Variants in SMAD1 observed in about 807,000 individuals in gnomAD.
SMAD1 encodes MAD, mothers against decapentaplegic homolog 1.
In SMAD1, 6 loss-of-function variants were observed where a neutral mutation model predicts 41.6. The ratio of observed to expected loss-of-function variants is 0.14; its 90% confidence interval spans 0.08 to 0.28. The LOEUF (loss-of-function observed/expected upper bound fraction) is 0.28, where lower values mean the gene tolerates loss of function less well. Among genes scored for constraint, SMAD1 ranks in the 10% least tolerant of loss-of-function variants. The pLI is 1.00. For missense variants in SMAD1, 379 were observed against 582.6 expected, an observed-to-expected ratio of 0.65 and a Z score of 3.60; for synonymous variants, 206 against 203.2, an observed-to-expected ratio of 1.01 and a Z score of -0.12.
intron 2 of SMAD1, among the ~76,000 whole-genome samples, chr4:145,515,940 T>C (rs999280978): frequency 6.6e-6 from 1 of 152,220 alleles, no homozygotes; most frequent in African/African-American, 2.4e-5. Context: ...ATTGGATTGG[T>C]GTTTAGGAAT....
In SMAD1 at chr4:145,481,996, C is replaced by G. The variant is rs1272555677; in HGVS notation, c.-219C>G. 3 of 152,122 alleles carry G rather than the reference C, an allele frequency of 2.0e-5. No individual in the cohort carries two copies. Among genetic ancestry groups the G allele is most frequent in the East Asian group, 3.9e-4 (2 of 5,130 alleles). 9.4% of individuals were successfully genotyped at this position (152,122 alleles called of 1,614,324 possible). A position where few individuals can be genotyped will look rare whatever the true frequency, so the allele number is the denominator to read the frequency against. On this transcript the variant is annotated 5_prime_UTR_variant, in exon 1 of 7. Transcript: ENST00000302085. ...CCCGGGCCGCGAGACCCCGCTCGCC[C>G]GGCCACTCGTGCTCCCACACGGACG...
At chr4:145,509,868 G>GCCTC (rs1168498708) in intron 1 of SMAD1, among the ~76,000 whole-genome samples, 1 of 152,122 alleles carries the variant, frequency 6.6e-6, no homozygotes, top group Non-Finnish European at 1.5e-5. Flanking sequence ...ACACCCTGTG[G>GCCTC]CCTCCCAAAT....
chr4:145,521,533 A>T (rs1560744294), intron 2 of SMAD1, among the ~76,000 whole-genome samples: 1 of 152,112 alleles, frequency 6.6e-6, no homozygotes, highest in Non-Finnish European at 1.5e-5. Flanking sequence ...TCACCTGTTG[A>T]CTGAATGCAT....
intron 3 of SMAD1, among the ~76,000 whole-genome samples, chr4:145,540,286 A>G (rs947114003): frequency 1.2e-4 from 18 of 152,178 alleles, no homozygotes; most frequent in Admixed American, 1.2e-3. Flanking sequence ...AATAAGCTAT[A>G]TTTTCCCCTT....
intron 2 of SMAD1, among the ~76,000 whole-genome samples, chr4:145,515,686 T>G (rs887543126): frequency 1.3e-5 from 2 of 152,212 alleles, no homozygotes; most frequent in Admixed American, 6.5e-5. Flanking sequence ...TTATACGGTT[T>G]TGCCCTCAAG....
intron 1 of SMAD1, among the ~76,000 whole-genome samples, chr4:145,492,859 G>A (rs955736233): frequency 3.3e-5 from 5 of 152,184 alleles, no homozygotes; most frequent in Admixed American, 1.3e-4. Flanking sequence ...TTACAGTACC[G>A]CAGGTTTAAA....
chr4:145,486,005 T>C (rs1369198765), intron 1 of SMAD1, among the ~76,000 whole-genome samples: 1 of 152,248 alleles, frequency 6.6e-6, no homozygotes, highest in Non-Finnish European at 1.5e-5. Flanking sequence ...AGTCCAACTC[T>C]AGAAACTCCA....
At chr4:145,522,565 C>T (rs1730804028) in intron 2 of SMAD1, among the ~76,000 whole-genome samples, 1 of 152,128 alleles carries the variant, frequency 6.6e-6, no homozygotes, top group Non-Finnish European at 1.5e-5. Context: ...TGTCATTGCA[C>T]TTCAGCCTGG....
intron 4 of SMAD1, among the ~76,000 whole-genome samples, chr4:145,543,242 C>T (rs1422958985): frequency 6.6e-6 from 1 of 152,200 alleles, no homozygotes; most frequent in Non-Finnish European, 1.5e-5. Flanking sequence ...GCTGGGATTA[C>T]AGGCGTGAGC....
chr4:145,539,776 C>G (rs749740088), intron 2 of SMAD1, 28 bp from the exon 3 acceptor site: 1 of 1,605,890 alleles, frequency 6.2e-7, no homozygotes, highest in South Asian at 1.1e-5. Context: ...CATGTTTGTC[C>G]TTCTCTTTTT....
chr4:145,517,749 A>T (rs897248416), intron 2 of SMAD1, among the ~76,000 whole-genome samples: 3 of 75,140 alleles, frequency 4.0e-5, no homozygotes, highest in Non-Finnish European at 1.4e-4. Flanking sequence ...TACACCTCTG[A>T]TACAAGGTGA....
At chr4:145,530,420 G>A (rs1040543516) in intron 2 of SMAD1, among the ~76,000 whole-genome samples, 2 of 152,144 alleles carry the variant, frequency 1.3e-5, no homozygotes, top group African/African-American at 2.4e-5. Context: ...CATAGCAGAC[G>A]TTCTGTGGGT....
chr4:145,544,945 T>G (rs557007587), intron 4 of SMAD1: 1 of 152,342 alleles, frequency 6.6e-6, no homozygotes, highest in African/African-American at 2.4e-5. Context: ...TTAAATTGCT[T>G]TAAGATTTTT....
chr4:145,481,526 C>G (rs959738069), upstream of SMAD1: 2 of 152,244 alleles, frequency 1.3e-5, no homozygotes, highest in South Asian at 2.1e-4. Flanking sequence ...GGACTAAGTC[C>G]GCTCCACCGG....
At chr4:145,515,768 G>T (rs1730348838) in intron 2 of SMAD1, among the ~76,000 whole-genome samples, 1 of 152,118 alleles carries the variant, frequency 6.6e-6, no homozygotes, top group Admixed American at 6.5e-5. Flanking sequence ...ATGTCTCATT[G>T]TCGATTGGGA....
chr4:145,507,247 T>C (rs1729839516), intron 1 of SMAD1, among the ~76,000 whole-genome samples: 1 of 152,000 alleles, frequency 6.6e-6, no homozygotes, highest in Admixed American at 6.6e-5. Flanking sequence ...TTACATTTTT[T>C]CATTAAAGAA....
At chr4:145,535,028 A>T (rs1316266148) in intron 2 of SMAD1, among the ~76,000 whole-genome samples, 1 of 152,190 alleles carries the variant, frequency 6.6e-6, no homozygotes, top group Non-Finnish European at 1.5e-5. Flanking sequence ...GGATGAAAAT[A>T]CCAAAAATAG....
rs79407457 is a variant in SMAD1 at position 145,509,133 on chromosome 4, T to G, written c.-176-5305T>G. ...ATTCTTGTGCCCATGGGCAATGGTA[T>G]AATCGTATTATTTCTTCTGACTGAG... On this transcript the variant is annotated intron_variant, in intron 1 of 6. Transcript: ENST00000302085. Among the ~76,000 whole-genome samples, 436 of 152,342 alleles carry G rather than the reference T, an allele frequency of 2.9e-3. 1 individual carries two copies. The highest frequency in any genetic ancestry group is 1.0e-2 in the African/African-American group (414 of 41,578).
chr4:145,496,793 A>C (rs1729102016), intron 1 of SMAD1, among the ~76,000 whole-genome samples: 1 of 152,186 alleles, frequency 6.6e-6, no homozygotes, highest in Non-Finnish European at 1.5e-5. Flanking sequence ...ATGCACTTTT[A>C]TACAGTGTTT....
Sources: gnomAD v4.1 joint callset for allele counts (sites outside exome capture counted in the v4.1 genomes callset) on GRCh38, gnomAD v4.1.1 for gene constraint, MANE v1.5 for transcripts, NCBI Gene and HGNC (gene_info 2026-07-23, HGNC 2026-07-21) for gene names.